Variants in CNTN1 observed in about 807,000 individuals in gnomAD.
The protein encoded by CNTN1 is contactin-1.
CNTN1 carries 38 observed loss-of-function variants against 126.4 expected under a neutral mutation model. The observed-to-expected ratio is 0.30, with a 90% CI of 0.23 to 0.39. The LOEUF is 0.39. Ranked by LOEUF, CNTN1 falls within the 10% of genes least tolerant of loss-of-function variation. The probability of loss-of-function intolerance (pLI) is 1.00; values close to 1 mark genes in which losing one functional copy is unlikely to be tolerated. For missense variants in CNTN1, 1,009 were observed against 1,248.4 expected (o/e 0.81, Z 2.89); for synonymous variants, 413 against 422.6 (o/e 0.98, Z 0.28).
intron 1 of CNTN1, among the ~76,000 whole-genome samples, chr12:40,743,200 G>A (rs1938023133): frequency 6.6e-6 from 1 of 152,020 alleles, no homozygotes; most frequent in African/African-American, 2.4e-5. Context: ...TGTGTCCTGA[G>A]TCTTTCTATT....
At chr12:40,781,490 T>C (rs993186394) in intron 1 of CNTN1, among the ~76,000 whole-genome samples, 1 of 152,008 alleles carries the variant, frequency 6.6e-6, no homozygotes, top group Non-Finnish European at 1.5e-5. Flanking sequence ...AAGGGTTCCA[T>C]GGGAGACAAA....
At chr12:40,841,789 G>A (rs1942294260) in intron 1 of CNTN1, among the ~76,000 whole-genome samples, 1 of 151,920 alleles carries the variant, frequency 6.6e-6, no homozygotes. Flanking sequence ...ACATAATAAA[G>A]GCCGTATAGG....
At chr12:40,903,997 T>C (rs1332010749) in intron 1 of CNTN1, among the ~76,000 whole-genome samples, 2 of 152,168 alleles carry the variant, frequency 1.3e-5, no homozygotes, top group Non-Finnish European at 2.9e-5. Flanking sequence ...TAATAGACAT[T>C]TTCTTTCCTT....
At chr12:40,935,107 A>C (rs1320646004) in intron 9 of CNTN1, among the ~76,000 whole-genome samples, 1 of 151,922 alleles carries the variant, frequency 6.6e-6, no homozygotes, top group East Asian at 1.9e-4. Context: ...CTTTAGACAC[A>C]CTCTGTACCC....
At chr12:40,883,460 T>C (rs1346485805) in intron 1 of CNTN1, among the ~76,000 whole-genome samples, 2 of 151,636 alleles carry the variant, frequency 1.3e-5, no homozygotes, top group African/African-American at 4.8e-5. Context: ...GATTTTTGAA[T>C]TGATATTCCT....
At chr12:40,844,068 G>GTTTTTTTTTTTTTTTTTTTTTTTTT (rs1424373022) in intron 1 of CNTN1, among the ~76,000 whole-genome samples, 4 of 40,236 alleles carry the variant, frequency 9.9e-5, no homozygotes, top group Non-Finnish European at 1.6e-4. Flanking sequence ...TTGGCACAAT[G>GTTTTTTTTTTTTTTTTTTTTTTTTT]ATTTTTTTTT....
At chr12:40,758,238 A>G (rs1274524709) in intron 1 of CNTN1, among the ~76,000 whole-genome samples, 1 of 151,620 alleles carries the variant, frequency 6.6e-6, no homozygotes, top group Non-Finnish European at 1.5e-5. Flanking sequence ...GGTGTTATGA[A>G]TATTTTATAC....
At chr12:40,760,309 A>C (rs1257340170) in intron 1 of CNTN1, among the ~76,000 whole-genome samples, 1 of 152,210 alleles carries the variant, frequency 6.6e-6, no homozygotes, top group Non-Finnish European at 1.5e-5. Flanking sequence ...CATGTGAAGC[A>C]TCCCATGTGT....
intron 17 of CNTN1, among the ~76,000 whole-genome samples, chr12:41,013,614 A>T (rs1948717259): frequency 6.6e-6 from 1 of 152,188 alleles, no homozygotes; most frequent in Non-Finnish European, 1.5e-5. Flanking sequence ...GATTAAGAAG[A>T]AAGCAGTATG....
rs1180499016 is a variant in CNTN1 at position 41,018,708 on chromosome 12, G to GTT, written c.2420-1628_2420-1627insTT. ...TGTATTTTAATATATGTGTGTGTGT[G>GTT]TGTGTATGTGTATGTGTGTATTTTT... is the stretch of plus-strand genomic sequence containing the variant. On this transcript the variant is annotated intron_variant, in intron 19 of 23. Transcript: ENST00000551295. 8.6e-3 allele frequency among the ~76,000 whole-genome samples: 1,300 copies of GTT among 151,570 alleles called. 18 individuals carry two copies. Among genetic ancestry groups the GTT allele is most frequent in the African/African-American group, 0.026 (1,083 of 41,284 alleles).
At chr12:40,709,666 T>C (rs1816856) in intron 1 of CNTN1, among the ~76,000 whole-genome samples, 132,466 of 152,232 alleles carry the variant, frequency 0.87, 57,780 homozygotes, top group East Asian at 1. Flanking sequence ...GAATAACTTG[T>C]TGCAGCTTTT....
intron 1 of CNTN1, among the ~76,000 whole-genome samples, chr12:40,835,640 C>A (rs2136564260): frequency 1.3e-5 from 2 of 152,180 alleles, no homozygotes; most frequent in Middle Eastern, 6.8e-3. Flanking sequence ...TCCCATCAAT[C>A]CCACACACAG....
intron 1 of CNTN1, among the ~76,000 whole-genome samples, chr12:40,887,686 A>G (rs2136715546): frequency 6.6e-6 from 1 of 152,104 alleles, no homozygotes; most frequent in South Asian, 2.1e-4. Flanking sequence ...AGGACTATAA[A>G]TCATGCTGCT....
At chr12:40,885,272 G>A (rs1181349250) in intron 1 of CNTN1, among the ~76,000 whole-genome samples, 1 of 151,908 alleles carries the variant, frequency 6.6e-6, no homozygotes, top group Non-Finnish European at 1.5e-5. Context: ...GAAGGTTTTT[G>A]TGAGGGGTGA....
At chr12:40,937,062 G>A (rs1469699954) in intron 10 of CNTN1, among the ~76,000 whole-genome samples, 157 bp downstream of exon 10, 2 of 152,068 alleles carry the variant, frequency 1.3e-5, no homozygotes, top group South Asian at 4.1e-4. Flanking sequence ...TGAACATAAA[G>A]TATCTTCTTT....
chr12:41,000,255 C>G (rs1375784316), intron 17 of CNTN1, among the ~76,000 whole-genome samples: 2 of 152,066 alleles, frequency 1.3e-5, no homozygotes, highest in African/African-American at 4.8e-5. Context: ...CTAAGGAAGG[C>G]AATATTTGAT....
At chr12:40,985,080 A>G (rs1287173279) in intron 16 of CNTN1, among the ~76,000 whole-genome samples, 1 of 152,010 alleles carries the variant, frequency 6.6e-6, no homozygotes, top group East Asian at 1.9e-4. Context: ...TAAGTCTTTT[A>G]CTAACAGTTT....
At chr12:41,060,693 A>G (rs1949921843) in intron 23 of CNTN1, among the ~76,000 whole-genome samples, 1 of 152,182 alleles carries the variant, frequency 6.6e-6, no homozygotes, top group Non-Finnish European at 1.5e-5. Flanking sequence ...TTGTTGGTTA[A>G]TTAATCACAA....
chr12:40,735,935 T>C (rs553851664), intron 1 of CNTN1, among the ~76,000 whole-genome samples: 21 of 152,164 alleles, frequency 1.4e-4, no homozygotes, highest in African/African-American at 4.3e-4. Context: ...GTAGGTCTCA[T>C]TGAGGAAATC....
Sources: gnomAD v4.1 joint callset for allele counts (sites outside exome capture counted in the v4.1 genomes callset) on GRCh38, gnomAD v4.1.1 for gene constraint, MANE v1.5 for transcripts, NCBI Gene and HGNC (gene_info 2026-07-23, HGNC 2026-07-21) for gene names.